PLCH1: variants seen among roughly 807,000 people sequenced by gnomAD.
PLCH1 encodes phospholipase C eta 1.
PLCH1 carries 60 observed loss-of-function variants against 126.7 expected under a neutral mutation model. The observed-to-expected ratio is 0.47, with a 90% CI of 0.38 to 0.59. The LOEUF (loss-of-function observed/expected upper bound fraction) is 0.59, where lower values mean the gene tolerates loss of function less well. Among genes scored for constraint, PLCH1 ranks in the 20% least tolerant of loss-of-function variants. PLCH1 has a pLI of 0.00. For missense variants in PLCH1, 1,723 were observed against 2,040.0 expected, an observed-to-expected ratio of 0.84 and a Z score of 2.99; for synonymous variants, 719 against 734.9, an observed-to-expected ratio of 0.98 and a Z score of 0.35.
rs543915451 is a variant in PLCH1, at chr3:155,741,090, C to T, written c.-41+3750G>A. Among the ~76,000 whole-genome samples, 4 of 152,282 alleles carry T rather than the reference C, an allele frequency of 2.6e-5. No individual in the cohort carries two copies. In the South Asian group the frequency reaches 8.3e-4, roughly 32 times the overall value. On this transcript the variant is annotated intron_variant, in intron 1 of 22. Transcript: ENST00000460012. The stretch of plus-strand genomic sequence containing the variant: ...AGATCTTGATGATAATAAAATAAAG[C>T]TGTGTAAACTTCTTCACAGGCTTCT...
At chr3:155,473,844 A>C (rs1194686098) in intron 21 of PLCH1, among the ~76,000 whole-genome samples, 35 of 151,380 alleles carry the variant, frequency 2.3e-4, no homozygotes, top group Middle Eastern at 3.4e-3. Context: ...CCTATTTAAT[A>C]AATGGTGCTG....
chr3:155,519,854 T>C (rs1720853628), intron 11 of PLCH1, among the ~76,000 whole-genome samples: 1 of 151,960 alleles, frequency 6.6e-6, no homozygotes, highest in South Asian at 2.1e-4. Flanking sequence ...TTTTTTCCTT[T>C]GGCTAAAGTC....
At chr3:155,546,505 C>A (rs1407457094) in intron 10 of PLCH1, among the ~76,000 whole-genome samples, 2 of 152,118 alleles carry the variant, frequency 1.3e-5, no homozygotes, top group African/African-American at 2.4e-5. Flanking sequence ...ATCAAGCTAC[C>A]AATGACTTTC....
At chr3:155,494,799 G>A (rs546666832) in intron 15 of PLCH1, among the ~76,000 whole-genome samples, 4 of 152,150 alleles carry the variant, frequency 2.6e-5, no homozygotes, top group African/African-American at 7.2e-5. Flanking sequence ...CAATCATACC[G>A]CTAATTTATG....
At chr3:155,613,268 G>A (rs188657255) in intron 2 of PLCH1, among the ~76,000 whole-genome samples, 1 of 152,218 alleles carries the variant, frequency 6.6e-6, no homozygotes, top group Admixed American at 6.5e-5. Context: ...CCAAAAGATA[G>A]AGAAAGAGGG....
At chr3:155,469,601 G>A (rs1215527651) in intron 21 of PLCH1, among the ~76,000 whole-genome samples, 1 of 152,236 alleles carries the variant, frequency 6.6e-6, no homozygotes, top group East Asian at 1.9e-4. Flanking sequence ...GCCTGCATCT[G>A]TAGGCTCCAC....
downstream of PLCH1, among the ~76,000 whole-genome samples, chr3:155,476,410 T>C (rs139413927): frequency 2.4e-3 from 365 of 152,186 alleles, 1 homozygote; most frequent in Non-Finnish European, 3.8e-3. Flanking sequence ...ACTGTCACCA[T>C]TGTTATTCAC....
chr3:155,496,750 G>T (rs1191069144), intron 15 of PLCH1, among the ~76,000 whole-genome samples: 1 of 152,156 alleles, frequency 6.6e-6, no homozygotes, highest in African/African-American at 2.4e-5. Context: ...GAAAGCCAAG[G>T]ATATGAATAG....
intron 2 of PLCH1, among the ~76,000 whole-genome samples, chr3:155,640,975 T>A (rs1204912212): frequency 6.6e-6 from 1 of 152,190 alleles, no homozygotes; most frequent in Non-Finnish European, 1.5e-5. Context: ...TTTTGCTAAT[T>A]TCACAAAATC....
rs188259721 is a variant in PLCH1 at position 155,707,581 on chromosome 3, C to T, written c.-40-3317G>A. 8.6e-5 allele frequency among the ~76,000 whole-genome samples: 13 copies of T among 151,486 alleles called. No homozygotes were observed. In the East Asian group the frequency reaches 1.8e-3, roughly 21 times the overall value. Reference sequence around the variant, plus strand: ...GTGGGCGCCTGTAATCCCAGCTACTCGGGAGGCTGAGGCAGGAGAATCACA... The same window carrying T: ...GTGGGCGCCTGTAATCCCAGCTACTTGGGAGGCTGAGGCAGGAGAATCACA... On this transcript the variant is annotated intron_variant, in intron 1 of 22. Coordinates refer to ENST00000460012, the MANE Select transcript of PLCH1 (RefSeq NM_014996.4).
chr3:155,501,676 T>C (rs1717926788), intron 13 of PLCH1, among the ~76,000 whole-genome samples: 1 of 152,014 alleles, frequency 6.6e-6, no homozygotes, highest in Admixed American at 6.6e-5. Context: ...GTGCCTATAA[T>C]CCCAGCTACT....
At chr3:155,647,762 A>T (rs1470096867) in intron 2 of PLCH1, among the ~76,000 whole-genome samples, 1 of 152,204 alleles carries the variant, frequency 6.6e-6, no homozygotes, top group African/African-American at 2.4e-5. Flanking sequence ...ATGATTGTAC[A>T]ATGGTAAAAC....
intron 7 of PLCH1, among the ~76,000 whole-genome samples, 172 bp from the exon 8 acceptor site, chr3:155,565,290 T>C (rs142304359): frequency 6.6e-6 from 1 of 152,196 alleles, no homozygotes; most frequent in Non-Finnish European, 1.5e-5. Context: ...GTCAATAGTA[T>C]GGTTTAGATA....
At chr3:155,554,301 C>G in intron 8 of PLCH1, 105 bp from the exon 9 acceptor site, 3 of 1,048,484 alleles carry the variant, frequency 2.9e-6, no homozygotes, top group Non-Finnish European at 4.2e-6. Context: ...AAATTATACC[C>G]ATTTCAATCC....
chr3:155,451,892 G>A (rs1437886622), intron 21 of PLCH1, among the ~76,000 whole-genome samples: 1 of 152,030 alleles, frequency 6.6e-6, no homozygotes, highest in East Asian at 1.9e-4. Context: ...TGCTTCTCAG[G>A]CCTTCCTACT....
chr3:155,658,252 G>A, intron 2 of PLCH1: 1 of 216,412 alleles, frequency 4.6e-6, no homozygotes, highest in Non-Finnish European at 9.8e-6. Flanking sequence ...CAGGCAAGAG[G>A]GTGGCTTTCC....
At chr3:155,501,134 G>C (rs1459866175) in intron 13 of PLCH1, among the ~76,000 whole-genome samples, 1 of 152,092 alleles carries the variant, frequency 6.6e-6, no homozygotes, top group Admixed American at 6.6e-5. Flanking sequence ...GATTATAAGG[G>C]ACAAAATGCC....
Position 155,725,542 on chromosome 3 carries a change from C to G in PLCH1, c.-41+19298G>C, listed in dbSNP as rs549804934. On this transcript the variant is annotated intron_variant, in intron 1 of 22. Transcript: ENST00000460012. ...AGCTCACTGCAACCTCCACCTCCCA[C>G]GTTCAAGCAATTCTCCTACCTCATC... Among the ~76,000 whole-genome samples, 4 of 151,662 alleles carry G rather than the reference C, an allele frequency of 2.6e-5. No homozygotes were observed. The South Asian group carries it at 8.4e-4, about 32-fold the overall frequency.
At chr3:155,727,425 T>C (rs1439000728) in intron 1 of PLCH1, among the ~76,000 whole-genome samples, 1 of 151,924 alleles carries the variant, frequency 6.6e-6, no homozygotes, top group African/African-American at 2.4e-5. Flanking sequence ...TCTCATTCTT[T>C]TGTCCAGGCT....
Sources: allele counts gnomAD v4.1 joint callset (sites outside exome capture counted in the v4.1 genomes callset), GRCh38; gene constraint gnomAD v4.1.1; transcripts MANE v1.5; gene names NCBI Gene and HGNC (gene_info 2026-07-23, HGNC 2026-07-21).